The following TESK2 variants were observed in gnomAD, a reference collection of about 807,000 sequenced individuals.
TESK2 encodes the protein testis associated actin remodelling kinase 2.
In TESK2, 39 loss-of-function variants were observed where a neutral mutation model predicts 57.1. The observed-to-expected ratio is 0.68, with a 90% CI of 0.53 to 0.89. The LOEUF (loss-of-function observed/expected upper bound fraction) is 0.89. TESK2 is among the 40% of genes least tolerant of loss of function. The probability of loss-of-function intolerance (pLI) is 0.00; values close to 1 mark genes in which losing one functional copy is unlikely to be tolerated. For synonymous variants in TESK2, 249 were observed against 267.9 expected, an observed-to-expected ratio of 0.93 and a Z score of 0.69; for missense variants, 646 against 732.1, an observed-to-expected ratio of 0.88 and a Z score of 1.36.
intron 1 of TESK2, among the ~76,000 whole-genome samples, chr1:45,473,669 G>A (rs1460212878): frequency 6.6e-6 from 1 of 152,118 alleles, no homozygotes; most frequent in African/African-American, 2.4e-5. Flanking sequence ...AAAAGCAAAC[G>A]CATTGGAGTA....
intron 3 of TESK2, among the ~76,000 whole-genome samples, chr1:45,403,003 G>T (rs1226704944): frequency 6.6e-6 from 1 of 151,760 alleles, no homozygotes; most frequent in East Asian, 1.9e-4. Context: ...CAACAAAAAG[G>T]CCAGGTACAG....
chr1:45,376,651 T>A (rs1461502511), intron 4 of TESK2, among the ~76,000 whole-genome samples: 5 of 152,146 alleles, frequency 3.3e-5, no homozygotes, highest in Admixed American at 6.5e-5. Flanking sequence ...CAGAGTATTA[T>A]TATAAGCTCT....
At chr1:45,385,710 G>GTGTATATA (rs947905047) in intron 4 of TESK2, among the ~76,000 whole-genome samples, 7 of 135,282 alleles carry the variant, frequency 5.2e-5, no homozygotes, top group African/African-American at 8.9e-5. Context: ...GTGTGTGTGT[G>GTGTATATA]TATATATATA....
intron 2 of TESK2, among the ~76,000 whole-genome samples, chr1:45,438,859 T>C (rs1651332571): frequency 1.3e-5 from 2 of 152,174 alleles, no homozygotes; most frequent in Non-Finnish European, 2.9e-5. Flanking sequence ...TGAAATAAGA[T>C]ACTGATAATC....
At chr1:45,349,065 G>A (rs528236183) in intron 5 of TESK2, among the ~76,000 whole-genome samples, 9 of 151,688 alleles carry the variant, frequency 5.9e-5, no homozygotes, top group Non-Finnish European at 1.2e-4. Flanking sequence ...CAGAGAGCAG[G>A]GATCCTTGGC....
chr1:45,374,668 T>G (rs1648333270), intron 4 of TESK2, among the ~76,000 whole-genome samples: 1 of 152,148 alleles, frequency 6.6e-6, no homozygotes. Context: ...AAAATGTTGA[T>G]AAACAGGATA....
In TESK2 at chr1:45,419,382, C is replaced by A. The variant is rs74348223; in HGVS notation, c.344+2343G>T. Among the ~76,000 whole-genome samples, 85 of 152,336 alleles carry A rather than the reference C, an allele frequency of 5.6e-4. No homozygotes were observed. The East Asian group carries it at 0.013, about 23-fold the overall frequency. ...TGGTGTCTTAGTTAATTTATTAGTT[C>A]TCTTTCCATCAATGTAAGTAGAGCA... On this transcript the variant is annotated intron_variant, in intron 3 of 10. Coordinates refer to ENST00000372086, the MANE Select transcript of TESK2 (RefSeq NM_007170.3).
In TESK2 at chr1:45,347,027, C is replaced by T; in HGVS notation, c.744G>A (p.Glu248=). The T allele has an allele frequency of 6.2e-7, 1 of 1,614,228 alleles. No homozygotes were observed. The highest frequency in any genetic ancestry group is 8.5e-7 in the Non-Finnish European group (1 of 1,180,046). ...DVFSYGIILC[E]IIARIQADPD... is the part of the protein sequence containing the mutation. ...GATCGGCCTGGATGCGGGCGATGAT[C>T]TCGCAGAGGATGATACCATAAGAGA... Residue 248 remains glutamate, a synonymous_variant, in exon 8 of 11, where the codon GAG becomes GAA. Transcript: ENST00000372086.
At position 45,347,953 on chromosome 1, in the gene TESK2, A is replaced by G. The variant is rs1032546666; in HGVS notation, c.588T>C (p.Ala196=). The G allele has an allele frequency of 1.9e-6, 3 of 1,613,900 alleles. No individual in the cohort carries two copies. Among genetic ancestry groups the G allele is most frequent in the African/African-American group, 2.7e-5 (2 of 74,924 alleles). ...RDENGYSAVV[A]DFGLAEKIPD... ...GGATCTTCTCAGCCAGGCCAAAGTC[A>G]GCTACCACTGCAGAGTAACCATTCT... The change falls in exon 6 of 11, where the codon GCT becomes GCC. Residue 196 remains alanine, a synonymous_variant. Coordinates refer to ENST00000372086, the MANE Select transcript of TESK2 (RefSeq NM_007170.3).
intron 4 of TESK2, chr1:45,385,228 G>C (rs1648841552): frequency 1.9e-6 from 1 of 521,764 alleles, no homozygotes; most frequent in African/African-American, 2.1e-5. Context: ...ATTAAACCTA[G>C]AAGATTCCAG....
chr1:45,381,779 C>T (rs955522415), intron 4 of TESK2, among the ~76,000 whole-genome samples: 4 of 150,572 alleles, frequency 2.7e-5, no homozygotes, highest in Admixed American at 1.3e-4. Context: ...CAAAGATTTA[C>T]ACTTCCCTGA....
chr1:45,461,488 T>C (rs998293319), intron 1 of TESK2, among the ~76,000 whole-genome samples: 11 of 152,198 alleles, frequency 7.2e-5, no homozygotes, highest in Admixed American at 6.5e-5. Context: ...CCAAGTTCTA[T>C]CCAGCACCAA....
intron 4 of TESK2, among the ~76,000 whole-genome samples, chr1:45,365,349 A>G (rs991285098): frequency 7.2e-5 from 11 of 152,206 alleles, no homozygotes; most frequent in Admixed American, 4.6e-4. Context: ...AAAAAGAAAA[A>G]GGGAACACTA....
chr1:45,462,700 T>C (rs1312087257), intron 1 of TESK2, among the ~76,000 whole-genome samples: 1 of 152,190 alleles, frequency 6.6e-6, no homozygotes, highest in Non-Finnish European at 1.5e-5. Flanking sequence ...GTAATAAACA[T>C]GGGAGTGCAA....
chr1:45,363,959 T>C (rs1035014938), intron 4 of TESK2, among the ~76,000 whole-genome samples: 1 of 152,186 alleles, frequency 6.6e-6, no homozygotes, highest in African/African-American at 2.4e-5. Context: ...AGTTGATACA[T>C]GTAAAATGCT....
chr1:45,485,609 C>G (rs1653444365), intron 1 of TESK2, among the ~76,000 whole-genome samples: 1 of 150,808 alleles, frequency 6.6e-6, no homozygotes, highest in Non-Finnish European at 1.5e-5. Flanking sequence ...ACCTCCACTT[C>G]CTGGGTAGAA....
intron 4 of TESK2, among the ~76,000 whole-genome samples, chr1:45,367,225 C>A (rs1020222645): frequency 5.9e-5 from 9 of 152,142 alleles, no homozygotes; most frequent in African/African-American, 1.7e-4. Flanking sequence ...TGAGTCTGAT[C>A]TTCTACATTG....
intron 1 of TESK2, among the ~76,000 whole-genome samples, chr1:45,489,562 G>T (rs1280365775): frequency 6.6e-6 from 1 of 152,226 alleles, no homozygotes; most frequent in Non-Finnish European, 1.5e-5. Flanking sequence ...GGCCGAGGTG[G>T]GCGGATTGAC....
At chr1:45,435,487 C>T (rs991991597) in intron 2 of TESK2, among the ~76,000 whole-genome samples, 27 of 148,668 alleles carry the variant, frequency 1.8e-4, no homozygotes, top group Non-Finnish European at 3.6e-4. Flanking sequence ...TCATCTCGAA[C>T]TCCTGGGCTC....
Sources: allele counts gnomAD v4.1 joint callset (sites outside exome capture counted in the v4.1 genomes callset), GRCh38; gene constraint gnomAD v4.1.1; transcripts MANE v1.5; gene names NCBI Gene and HGNC (gene_info 2026-07-23, HGNC 2026-07-21).